Variants in IPO11 observed in about 807,000 individuals in gnomAD.
IPO11 encodes importin 11.
Under a neutral mutation model 143.2 loss-of-function variants are expected in IPO11, and 66 were observed. The ratio of observed to expected loss-of-function variants is 0.46; its 90% CI spans 0.38 to 0.57. The LOEUF is 0.57. Among genes scored for constraint, IPO11 ranks in the 20% least tolerant of loss-of-function variants. The pLI is 0.00. For synonymous variants in IPO11, 385 were observed against 377.8 expected (o/e 1.02, Z -0.22); for missense variants, 1,026 against 1,141.0 (o/e 0.90, Z 1.45).
At chr5:62,601,107 A>G (rs577518967) in intron 28 of IPO11, 3 of 152,344 alleles carry the variant, frequency 2.0e-5, no homozygotes, top group Non-Finnish European at 2.9e-5. Context: ...AAGTTAGGAA[A>G]CAGTGGGATT....
chr5:62,615,727 A>ACAG (rs1330512784), intron 29 of IPO11, among the ~76,000 whole-genome samples: 1 of 152,220 alleles, frequency 6.6e-6, no homozygotes, highest in African/African-American at 2.4e-5. Flanking sequence ...GGTAACTTGA[A>ACAG]CAGGAACAAG....
At chr5:62,508,213 C>G (rs1741625335) in intron 19 of IPO11, among the ~76,000 whole-genome samples, 1 of 152,106 alleles carries the variant, frequency 6.6e-6, no homozygotes, top group African/African-American at 2.4e-5. Flanking sequence ...GTACCCTCTT[C>G]TCCAATCTCC....
At chr5:62,421,766 A>C (rs1302603325) in intron 1 of IPO11, among the ~76,000 whole-genome samples, 1 of 152,234 alleles carries the variant, frequency 6.6e-6, no homozygotes, top group Non-Finnish European at 1.5e-5. Flanking sequence ...AAAATGTAGA[A>C]TAGTGATTAA....
intron 24 of IPO11, among the ~76,000 whole-genome samples, chr5:62,545,799 A>G (rs1227999056): frequency 6.6e-6 from 1 of 152,220 alleles, no homozygotes; most frequent in Non-Finnish European, 1.5e-5. Flanking sequence ...ATATGAACAG[A>G]CACTTCTCAA....
chr5:62,442,872 A>ACAAAACAAAG (rs1744543026), intron 2 of IPO11, 111 bp from the exon 3 acceptor site: 2 of 626,312 alleles, frequency 3.2e-6, no homozygotes, highest in African/African-American at 1.9e-5. Flanking sequence ...CAAAAACAAA[A>ACAAAACAAAG]CAAAACAAAA....
At chr5:62,608,007 C>T (rs771039797) in intron 29 of IPO11, among the ~76,000 whole-genome samples, 3 of 152,032 alleles carry the variant, frequency 2.0e-5, no homozygotes, top group Non-Finnish European at 2.9e-5. Context: ...AGGTTAGAGA[C>T]GGGGTTTCAC....
intron 3 of IPO11, among the ~76,000 whole-genome samples, chr5:62,449,499 G>T (rs1016119588): frequency 1.3e-5 from 2 of 151,202 alleles, no homozygotes; most frequent in Admixed American, 1.3e-4. Flanking sequence ...TACTTGTATA[G>T]ATTTTTTTTT....
In IPO11 at chr5:62,472,323, T is replaced by C. The variant is rs1251668530; in HGVS notation, c.708+2015T>C. Among the ~76,000 whole-genome samples, 4 of 152,266 alleles carry C rather than the reference T, an allele frequency of 2.6e-5. No homozygotes were observed. In the South Asian group the frequency reaches 6.2e-4, roughly 24 times the overall value. On this transcript the variant is annotated intron_variant, in intron 7 of 29. Transcript: ENST00000325324. The stretch of plus-strand genomic sequence containing the variant: ...TGAAAATGAATTGATTTGATTTATA[T>C]TCCTATAAGGTGAAATAGTAGTTTG...
At chr5:62,433,151 TTG>T (rs1164590363) in intron 1 of IPO11, among the ~76,000 whole-genome samples, 8 of 151,502 alleles carry the variant, frequency 5.3e-5, no homozygotes, top group African/African-American at 7.3e-5. Context: ...TTTTTGTTTT[TTG>T]TTTTTTTTTT....
chr5:62,594,224 C>T (rs936058753), intron 28 of IPO11, among the ~76,000 whole-genome samples: 3 of 152,168 alleles, frequency 2.0e-5, no homozygotes, highest in African/African-American at 7.2e-5. Flanking sequence ...AAGGAATTGG[C>T]TCACATGATT....
In IPO11 at chr5:62,627,508, CAA is replaced by C; in HGVS notation, c.*193_*194del. On this transcript the variant is annotated 3_prime_UTR_variant, in exon 30 of 30. Transcript: ENST00000325324. ...TAACTAAAATCACAAACCTATTCCT[CAA>C]AAGAATTTAATTTTATATTTATGAG... 2.1e-6 allele frequency: 1 copy of C among 469,580 alleles called. No homozygotes were observed. The highest frequency in any genetic ancestry group is 3.6e-6 in the Non-Finnish European group (1 of 276,536). The allele number at this position is 469,580 out of a possible 1,614,324, so 29.1% of individuals were successfully genotyped here.
At chr5:62,493,629 C>A (rs1741024892) in intron 15 of IPO11, among the ~76,000 whole-genome samples, 1 of 151,106 alleles carries the variant, frequency 6.6e-6, no homozygotes, top group Admixed American at 6.6e-5. Flanking sequence ...TGCAGTGGCA[C>A]AATCTTGGCT....
chr5:62,534,955 G>A (rs1742683768), intron 22 of IPO11, among the ~76,000 whole-genome samples: 1 of 151,868 alleles, frequency 6.6e-6, no homozygotes, highest in Non-Finnish European at 1.5e-5. Context: ...TGGATGTAAT[G>A]AACAGTGTCC....
intron 26 of IPO11, among the ~76,000 whole-genome samples, chr5:62,554,098 G>A (rs965866878): frequency 6.6e-6 from 1 of 152,154 alleles, no homozygotes; most frequent in Admixed American, 6.5e-5. Flanking sequence ...TGTTTATTCA[G>A]ATAATTGTTC....
intron 19 of IPO11, among the ~76,000 whole-genome samples, chr5:62,513,485 C>A (rs1393419412): frequency 7.8e-6 from 1 of 128,366 alleles, no homozygotes; most frequent in Non-Finnish European, 1.7e-5. Flanking sequence ...CCAGTAGGGG[C>A]GGCCGGGCAG....
At chr5:62,568,424 A>G (rs1181602141) in intron 27 of IPO11, among the ~76,000 whole-genome samples, 3 of 151,688 alleles carry the variant, frequency 2.0e-5, no homozygotes, top group African/African-American at 2.4e-5. Context: ...AATACAAAAA[A>G]TTAGCAGGGT....
At chr5:62,598,265 T>C (rs1443802241) in intron 28 of IPO11, among the ~76,000 whole-genome samples, 1 of 151,992 alleles carries the variant, frequency 6.6e-6, no homozygotes, top group Non-Finnish European at 1.5e-5. Context: ...GAAAAGAGGA[T>C]AACTGTACAG....
intron 27 of IPO11, among the ~76,000 whole-genome samples, chr5:62,573,232 T>C (rs965684951): frequency 2.0e-5 from 3 of 152,172 alleles, no homozygotes; most frequent in African/African-American, 7.2e-5. Flanking sequence ...TTATCCATTG[T>C]ATGAGGGTAA....
At chr5:62,425,159 G>T (rs1356459722) in intron 1 of IPO11, among the ~76,000 whole-genome samples, 1 of 152,068 alleles carries the variant, frequency 6.6e-6, no homozygotes, top group Admixed American at 6.6e-5. Flanking sequence ...CCTAAACCCT[G>T]TAATCCCTGT....
Sources: gnomAD v4.1 joint callset for allele counts (sites outside exome capture counted in the v4.1 genomes callset) on GRCh38, gnomAD v4.1.1 for gene constraint, MANE v1.5 for transcripts, NCBI Gene and HGNC (gene_info 2026-07-23, HGNC 2026-07-21) for gene names.